SRPK2: variants seen among roughly 807,000 people sequenced by gnomAD.
SRPK2 encodes SRSF protein kinase 2, also known as SFRS protein kinase 2.
SRPK2 carries 21 observed loss-of-function variants against 90.8 expected under a neutral mutation model. The ratio of observed to expected loss-of-function variants is 0.23; its 90% CI spans 0.16 to 0.33. The LOEUF is 0.33. SRPK2 is among the 10% of genes least tolerant of loss of function. The pLI, the probability that SRPK2 is intolerant of heterozygous loss-of-function variation, is 1.00. For synonymous variants in SRPK2, 288 were observed against 311.1 expected, an observed-to-expected ratio of 0.93 and a Z score of 0.78; for missense variants, 620 against 869.0, an observed-to-expected ratio of 0.71 and a Z score of 3.60.
intron 2 of SRPK2, among the ~76,000 whole-genome samples, chr7:105,294,540 T>C (rs961619595): frequency 4.1e-5 from 6 of 147,438 alleles, no homozygotes; most frequent in African/African-American, 1.2e-4. Flanking sequence ...TTGTTTTGTT[T>C]TGTTTTTTTG....
At chr7:105,288,733 T>TA (rs1357426968) in intron 2 of SRPK2, among the ~76,000 whole-genome samples, 1 of 152,006 alleles carries the variant, frequency 6.6e-6, no homozygotes, top group Non-Finnish European at 1.5e-5. Flanking sequence ...AATCACATGA[T>TA]AAAAATATAG....
At chr7:105,383,376 A>C (rs1821177426) in intron 2 of SRPK2, among the ~76,000 whole-genome samples, 1 of 150,074 alleles carries the variant, frequency 6.7e-6, no homozygotes, top group Non-Finnish European at 1.5e-5. Context: ...CTCAAAATTA[A>C]ATGTTTTAAT....
At chr7:105,170,893 A>G (rs1193674039) in intron 3 of SRPK2, among the ~76,000 whole-genome samples, 234 of 122,432 alleles carry the variant, frequency 1.9e-3, no homozygotes, top group Non-Finnish European at 2.8e-3. Context: ...GAAAGAAAGA[A>G]AGAAAGAAAG....
chr7:105,353,467 G>A (rs758238239), intron 2 of SRPK2, among the ~76,000 whole-genome samples: 9 of 152,058 alleles, frequency 5.9e-5, no homozygotes, highest in Non-Finnish European at 1.2e-4. Context: ...AGCCTCCCAA[G>A]TAGCTGGGAT....
intron 6 of SRPK2, among the ~76,000 whole-genome samples, chr7:105,164,926 G>C (rs960326116): frequency 6.6e-6 from 1 of 152,158 alleles, no homozygotes; most frequent in Non-Finnish European, 1.5e-5. Flanking sequence ...ACACAACCTA[G>C]CACCCATCAG....
At chr7:105,316,174 G>A (rs1372330854) in intron 2 of SRPK2, among the ~76,000 whole-genome samples, 3 of 152,040 alleles carry the variant, frequency 2.0e-5, no homozygotes, top group East Asian at 3.9e-4. Context: ...ACGGGCACCC[G>A]CCATGATGCC....
intron 7 of SRPK2, among the ~76,000 whole-genome samples, chr7:105,151,281 T>TA (rs1175416790): frequency 3.6e-4 from 55 of 152,324 alleles, no homozygotes; most frequent in African/African-American, 1.3e-3. Flanking sequence ...AGACTGCTCT[T>TA]AAATTACTGC....
At chr7:105,289,379 CCAGGATATCA>C (rs1224086051) in intron 2 of SRPK2, among the ~76,000 whole-genome samples, 2 of 152,136 alleles carry the variant, frequency 1.3e-5, no homozygotes, top group African/African-American at 2.4e-5. Flanking sequence ...AGACATACCT[CCAGGATATCA>C]CAGGTTCAAT....
intron 2 of SRPK2, among the ~76,000 whole-genome samples, chr7:105,293,666 C>T (rs930749578): frequency 6.6e-6 from 1 of 152,072 alleles, no homozygotes; most frequent in Non-Finnish European, 1.5e-5. Context: ...GTGATCTACC[C>T]ACCTCAGCCT....
chr7:105,258,693 A>G (rs1803735877), intron 2 of SRPK2, among the ~76,000 whole-genome samples: 1 of 152,168 alleles, frequency 6.6e-6, no homozygotes, highest in Non-Finnish European at 1.5e-5. Context: ...ACCACAATCA[A>G]CTTGGCTTCA....
At chr7:105,186,406 C>T (rs1793585821) in intron 3 of SRPK2, among the ~76,000 whole-genome samples, 1 of 152,148 alleles carries the variant, frequency 6.6e-6, no homozygotes, top group Admixed American at 6.5e-5. Flanking sequence ...TCCATGTGTG[C>T]CCATTGTTTA....
At chr7:105,368,878 C>CT (rs1478067280) in intron 2 of SRPK2, among the ~76,000 whole-genome samples, 1 of 86,960 alleles carries the variant, frequency 1.1e-5, no homozygotes, top group Non-Finnish European at 2.2e-5. Flanking sequence ...AAGCGAAACT[C>CT]TATCTCAAAA....
intron 2 of SRPK2, among the ~76,000 whole-genome samples, chr7:105,374,360 T>C (rs1328864977): frequency 6.6e-6 from 1 of 152,198 alleles, no homozygotes; most frequent in Non-Finnish European, 1.5e-5. Flanking sequence ...GATTCTTCTT[T>C]AAAAGAGCTT....
At chr7:105,383,770 T>C (rs6466064) in intron 2 of SRPK2, among the ~76,000 whole-genome samples, 44,422 of 152,046 alleles carry the variant, frequency 0.29, 6,780 homozygotes, top group Middle Eastern at 0.35. Flanking sequence ...ATGTGGCATA[T>C]TGACACAACT....
intron 2 of SRPK2, among the ~76,000 whole-genome samples, chr7:105,212,484 A>T (rs965567062): frequency 6.6e-6 from 1 of 152,216 alleles, no homozygotes; most frequent in African/African-American, 2.4e-5. Context: ...AGGGAACCAC[A>T]TCATCAAAAG....
intron 2 of SRPK2, among the ~76,000 whole-genome samples, chr7:105,364,892 G>A (rs1226123992): frequency 6.6e-6 from 1 of 152,120 alleles, no homozygotes; most frequent in African/African-American, 2.4e-5. Flanking sequence ...TGACTCCAGG[G>A]ACAAAGCATC....
chr7:105,311,003 T>C (rs947885201), intron 2 of SRPK2, among the ~76,000 whole-genome samples: 43 of 152,292 alleles, frequency 2.8e-4, no homozygotes, highest in African/African-American at 1.0e-3. Context: ...GGCTCGGTTG[T>C]GCACATAGTA....
intron 2 of SRPK2, among the ~76,000 whole-genome samples, chr7:105,326,521 G>C (rs1380807486): frequency 6.6e-6 from 1 of 152,172 alleles, no homozygotes; most frequent in Admixed American, 6.5e-5. Context: ...TAATTGGCAA[G>C]ATCATGACTG....
intron 2 of SRPK2, among the ~76,000 whole-genome samples, chr7:105,345,564 G>C (rs545873646): frequency 2.0e-4 from 30 of 152,166 alleles, no homozygotes; most frequent in East Asian, 9.6e-4. Context: ...TGTAACAATT[G>C]TAAGTTATTA....
Sources: gnomAD v4.1 joint callset for allele counts (sites outside exome capture counted in the v4.1 genomes callset) on GRCh38, gnomAD v4.1.1 for gene constraint, MANE v1.5 for transcripts, NCBI Gene and HGNC (gene_info 2026-07-23, HGNC 2026-07-21) for gene names.